The following BMPR1B variants were observed in gnomAD, a reference collection of about 807,000 sequenced individuals.
BMPR1B encodes bone morphogenetic protein receptor type-1B.
In BMPR1B, 12 loss-of-function variants were observed where a neutral mutation model predicts 59.1. The ratio of observed to expected loss-of-function variants is 0.20; its 90% CI spans 0.13 to 0.33. BMPR1B has a LOEUF of 0.33. BMPR1B is among the 10% of genes least tolerant of loss of function. The pLI is 1.00. For missense variants in BMPR1B, 550 were observed against 610.9 expected, an observed-to-expected ratio of 0.90 and a Z score of 1.05; for synonymous variants, 237 against 207.3, an observed-to-expected ratio of 1.14 and a Z score of -1.23.
chr4:94,859,898 T>TA (rs35600624), intron 1 of BMPR1B, among the ~76,000 whole-genome samples: 8 of 151,966 alleles, frequency 5.3e-5, no homozygotes, highest in Admixed American at 2.0e-4. Context: ...TTTATCCAGT[T>TA]AAAAAAAATC....
At position 95,036,639 on chromosome 4, in the gene BMPR1B, C is replaced by T. The variant is rs535916714; in HGVS notation, c.-18+40505C>T. ...TGTTGATGGACAATTAGGTTTCTTC[C>T]AAATCTTGGCTATCATGGCTGTAAT... On this transcript the variant is annotated intron_variant, in intron 3 of 12. Transcript: ENST00000515059. Among the ~76,000 whole-genome samples, 6 of 150,570 alleles carry T rather than the reference C, an allele frequency of 4.0e-5. No homozygotes were observed. In the East Asian group the frequency reaches 1.2e-3, roughly 29 times the overall value.
At chr4:94,776,640 A>G (rs1192142449) in intron 1 of BMPR1B, among the ~76,000 whole-genome samples, 4 of 152,200 alleles carry the variant, frequency 2.6e-5, no homozygotes, top group Non-Finnish European at 4.4e-5. Flanking sequence ...CTGTCTAGAG[A>G]ACAACATCAG....
intron 1 of BMPR1B, among the ~76,000 whole-genome samples, chr4:94,776,328 G>A (rs1282320728): frequency 6.6e-6 from 1 of 152,154 alleles, no homozygotes; most frequent in Non-Finnish European, 1.5e-5. Flanking sequence ...TGTTTTCTGT[G>A]AAAAGCAGAT....
In BMPR1B at chr4:95,123,875, T is replaced by A. The variant is rs1324227207; in HGVS notation, c.415T>A (p.Leu139Met). 6.2e-7 allele frequency: 1 copy of A among 1,612,002 alleles called. No individual in the cohort carries two copies. The highest frequency in any genetic ancestry group is 8.5e-7 in the Non-Finnish European group (1 of 1,179,102). ...ATCTGTGACTGTCTGTAGTTTGCTC[T>A]TGGTCCTTATCATATTATTTTGTTA... Reference protein sequence around the residue: ...LISVTVCSLLLVLIILFCYFR... With the variant: ...LISVTVCSLLMVLIILFCYFR... The change falls in exon 7 of 13, where the codon TTG becomes ATG. Residue 139 changes from leucine (L) to methionine (M), a missense_variant. Leu to Met is a conservative substitution (Grantham distance 15, BLOSUM62 2). This residue lies in a region of BMPR1B where 318 missense variants were observed against 284.6 expected (regional missense o/e 1.12). Coordinates refer to ENST00000515059, the MANE Select transcript of BMPR1B (RefSeq NM_001203.3).
chr4:94,760,503 G>A (rs1386688337), intron 1 of BMPR1B, among the ~76,000 whole-genome samples: 1 of 152,142 alleles, frequency 6.6e-6, no homozygotes, highest in Non-Finnish European at 1.5e-5. Context: ...GCCACATATA[G>A]CACCTCCTCC....
At chr4:94,996,552 TAG>T in intron 3 of BMPR1B, among the ~76,000 whole-genome samples, 1 of 152,124 alleles carries the variant, frequency 6.6e-6, no homozygotes. Flanking sequence ...GAAGGTGCAG[TAG>T]TCAGTGTCAA....
chr4:95,116,436 C>CACAA (rs1488280528), intron 6 of BMPR1B, among the ~76,000 whole-genome samples: 1 of 150,872 alleles, frequency 6.6e-6, no homozygotes, highest in African/African-American at 2.4e-5. Flanking sequence ...CACACACACA[C>CACAA]ACACACACAC....
chr4:94,985,630 T>C (rs1721358576), intron 2 of BMPR1B, among the ~76,000 whole-genome samples: 1 of 151,922 alleles, frequency 6.6e-6, no homozygotes. Context: ...AATTATTGTG[T>C]TTTCCTATAG....
intron 2 of BMPR1B, among the ~76,000 whole-genome samples, chr4:94,976,022 T>C (rs1216287837): frequency 6.6e-6 from 1 of 152,230 alleles, no homozygotes; most frequent in East Asian, 1.9e-4. Flanking sequence ...GGCTATTTGC[T>C]TCTGGGTTAG....
At chr4:94,811,360 C>T (rs1318953708) in intron 1 of BMPR1B, among the ~76,000 whole-genome samples, 1 of 152,132 alleles carries the variant, frequency 6.6e-6, no homozygotes, top group Non-Finnish European at 1.5e-5. Context: ...TTTGGAGGCT[C>T]TCATGGGCCA....
intron 1 of BMPR1B, among the ~76,000 whole-genome samples, chr4:94,835,210 TAAAG>T (rs200082450): frequency 0.015 from 2,252 of 152,252 alleles, 27 homozygotes; most frequent in Non-Finnish European, 0.021. Context: ...TATTTTTAAT[TAAAG>T]AACATTTTCA....
At chr4:94,903,406 C>T (rs1727906386) in intron 2 of BMPR1B, among the ~76,000 whole-genome samples, 1 of 151,684 alleles carries the variant, frequency 6.6e-6, no homozygotes, top group Non-Finnish European at 1.5e-5. Flanking sequence ...CTTGTTGCTG[C>T]TCTATTTAAT....
At chr4:95,111,337 A>G (rs981472779) in intron 4 of BMPR1B, among the ~76,000 whole-genome samples, 3 of 152,128 alleles carry the variant, frequency 2.0e-5, no homozygotes, top group Non-Finnish European at 4.4e-5. Context: ...TGGTGGCTAT[A>G]TGAACAACCC....
At chr4:94,949,308 C>CTTTTTTTTTTTTTT (rs1216699208) in intron 2 of BMPR1B, among the ~76,000 whole-genome samples, 1 of 81,936 alleles carries the variant, frequency 1.2e-5, no homozygotes, top group African/African-American at 5.5e-5. Flanking sequence ...TGAACTCATT[C>CTTTTTTTTTTTTTT]TTTTTTTTTT....
intron 4 of BMPR1B, among the ~76,000 whole-genome samples, chr4:95,114,437 T>C (rs560591080): frequency 6.6e-6 from 1 of 152,284 alleles, no homozygotes; most frequent in African/African-American, 2.4e-5. Context: ...CTATGGTTTT[T>C]CATGGTAATT....
At chr4:95,124,902 G>A (rs959493118) in intron 7 of BMPR1B, 81 bp from the exon 8 acceptor site, 10 of 1,348,268 alleles carry the variant, frequency 7.4e-6, no homozygotes, top group Non-Finnish European at 1.1e-5. Flanking sequence ...TAAAACTGCT[G>A]TGATTACCAT....
At chr4:94,965,141 C>T (rs1730507163) in intron 2 of BMPR1B, among the ~76,000 whole-genome samples, 1 of 152,122 alleles carries the variant, frequency 6.6e-6, no homozygotes, top group Non-Finnish European at 1.5e-5. Context: ...ACATTAACCC[C>T]TACCTATTTT....
chr4:94,907,858 T>G (rs191407938), intron 2 of BMPR1B, among the ~76,000 whole-genome samples: 2 of 151,148 alleles, frequency 1.3e-5, no homozygotes, highest in Admixed American at 6.6e-5. Context: ...TGAATATGAA[T>G]GTACATGTCT....
intron 1 of BMPR1B, among the ~76,000 whole-genome samples, chr4:94,823,036 C>G (rs1237463777): frequency 6.6e-6 from 1 of 152,088 alleles, no homozygotes; most frequent in Non-Finnish European, 1.5e-5. Flanking sequence ...TTCAAGTTAA[C>G]TTTTGGTATC....
Sources: gnomAD v4.1 joint callset for allele counts (sites outside exome capture counted in the v4.1 genomes callset) on GRCh38, gnomAD v4.1.1 for gene constraint, gnomAD v4.1.1 regional missense constraint, MANE v1.5 for transcripts, NCBI Gene and HGNC (gene_info 2026-07-23, HGNC 2026-07-21) for gene names.